Variants in SH3RF3 observed in about 807,000 individuals in gnomAD.
The protein encoded by SH3RF3 is E3 ubiquitin-protein ligase SH3RF3.
SH3RF3 carries 29 observed loss-of-function variants against 66.3 expected under a neutral mutation model. That is an observed-to-expected ratio of 0.44 (90% CI 0.33 to 0.60). SH3RF3 has a LOEUF of 0.60. SH3RF3 is among the 20% of genes least tolerant of loss of function. The pLI is 0.04. For missense variants in SH3RF3, 1,194 were observed against 1,190.9 expected (o/e 1.00, Z -0.04); for synonymous variants, 583 against 532.0 (o/e 1.10, Z -1.32).
At chr2:109,424,075 C>T (rs555867939) in intron 5 of SH3RF3, among the ~76,000 whole-genome samples, 68 of 152,274 alleles carry the variant, frequency 4.5e-4, no homozygotes, top group South Asian at 8.3e-4. Context: ...CCACCGGTAC[C>T]GGCATTGTCT....
At chr2:109,284,438 GGC>G (rs1422129092) in intron 1 of SH3RF3, among the ~76,000 whole-genome samples, 2 of 152,178 alleles carry the variant, frequency 1.3e-5, no homozygotes. Flanking sequence ...GCTGGTCTAG[GGC>G]GTGTGGACTG....
At chr2:109,217,145 G>A (rs747213006) in intron 1 of SH3RF3, among the ~76,000 whole-genome samples, 14 of 152,146 alleles carry the variant, frequency 9.2e-5, no homozygotes, top group Non-Finnish European at 1.6e-4. Context: ...TCCATCGTAC[G>A]GTCATCCACA....
chr2:109,501,429 G>A, intron 9 of SH3RF3, 74 bp from the exon 10 acceptor site: 1 of 669,672 alleles, frequency 1.5e-6, no homozygotes, highest in Non-Finnish European at 2.8e-6. Context: ...TTTACACCGA[G>A]GGAAGAAGAG....
chr2:109,270,838 C>T (rs1478649139), intron 1 of SH3RF3, among the ~76,000 whole-genome samples: 2 of 152,172 alleles, frequency 1.3e-5, no homozygotes, highest in African/African-American at 4.8e-5. Context: ...AGTGACAGAG[C>T]GTTGGTAGGA....
chr2:109,378,381 A>T (rs1683438753), intron 3 of SH3RF3, among the ~76,000 whole-genome samples: 1 of 151,528 alleles, frequency 6.6e-6, no homozygotes, highest in East Asian at 1.9e-4. Flanking sequence ...CTAGTTCTCA[A>T]CTCCCAGTTG....
Position 109,487,869 on chromosome 2 carries a change from G to A in SH3RF3, c.2149-2736G>A, listed in dbSNP as rs141107651. Among the ~76,000 whole-genome samples the A allele has an allele frequency of 4.8e-3, 732 of 152,348 alleles. 9 individuals are homozygous for A. The highest frequency in any genetic ancestry group is 0.02 in the Middle Eastern group (6 of 294). On this transcript the variant is annotated intron_variant, in intron 8 of 9. Transcript: ENST00000309415. ...GAATGCCTGTTGTGTTCTCAGCACC[G>A]TGCTAGGCGCTGGTGGGGATACTGC...
intron 1 of SH3RF3, among the ~76,000 whole-genome samples, chr2:109,210,535 C>T (rs1248627167): frequency 6.6e-6 from 1 of 152,166 alleles, no homozygotes; most frequent in Non-Finnish European, 1.5e-5. Flanking sequence ...TGAGATGGGA[C>T]ATCTGGGGCT....
Position 109,129,635 on chromosome 2 carries a change from G to A in SH3RF3, c.95G>A (p.Arg32Gln). 6.7e-7 allele frequency: 1 copy of A among 1,494,898 alleles called. No individual in the cohort carries two copies. Among genetic ancestry groups the A allele is most frequent in the East Asian group, 2.7e-5 (1 of 36,510 alleles). 92.6% of individuals were successfully genotyped at this position (1,494,898 alleles called of 1,614,324 possible). A position where few individuals can be genotyped will look rare whatever the true frequency, so the allele number is the denominator to read the frequency against. The change falls in exon 1 of 10, where the codon CGG becomes CAG. Residue 32 changes from arginine to glutamine, a missense_variant. Transcript: ENST00000309415. ...GAGGACAGGCCAGGCGAGCGACGGC[G>A]GCGTCGGGCGGCGGCCACCGCCGCG... ...GDEDRPGERRRRRAAATAAGA... is the reference protein window; with the variant it reads ...GDEDRPGERRQRRAAATAAGA...
chr2:109,422,459 T>C (rs890723642), intron 5 of SH3RF3, among the ~76,000 whole-genome samples: 4 of 152,186 alleles, frequency 2.6e-5, no homozygotes, highest in Non-Finnish European at 2.9e-5. Flanking sequence ...TCTTCCAGCA[T>C]GTGAAAGGCT....
At chr2:109,467,081 A>G (rs1345274971) in intron 8 of SH3RF3, among the ~76,000 whole-genome samples, 1 of 152,250 alleles carries the variant, frequency 6.6e-6, no homozygotes, top group African/African-American at 2.4e-5. Flanking sequence ...TACTTGGGAA[A>G]ATGGTTCAGC....
At chr2:109,472,076 C>T (rs1272817007) in intron 8 of SH3RF3, among the ~76,000 whole-genome samples, 1 of 152,198 alleles carries the variant, frequency 6.6e-6, no homozygotes, top group Non-Finnish European at 1.5e-5. Context: ...TTTCAAATTC[C>T]CATCCTTTTC....
At chr2:109,161,797 G>A (rs1258616394) in intron 1 of SH3RF3, among the ~76,000 whole-genome samples, 1 of 151,888 alleles carries the variant, frequency 6.6e-6, no homozygotes, top group Non-Finnish European at 1.5e-5. Flanking sequence ...CCCAGGGAGG[G>A]CATTAATCTA....
At chr2:109,253,199 TGTATTTTTA>T (rs1680136339) in intron 1 of SH3RF3, among the ~76,000 whole-genome samples, 1 of 152,236 alleles carries the variant, frequency 6.6e-6, no homozygotes, top group Middle Eastern at 3.4e-3. Context: ...GGCTAGTTTT[TGTATTTTTA>T]GTAGAGATGG....
chr2:109,133,799 ATGAGTACAACT>A (rs1210499366), intron 1 of SH3RF3, among the ~76,000 whole-genome samples: 4 of 146,620 alleles, frequency 2.7e-5, no homozygotes, highest in African/African-American at 1.0e-4. Flanking sequence ...ATTTAGCATT[ATGAGTACAACT>A]TGCATTAGCA....
At chr2:109,444,981 A>C (rs1292428344) in intron 7 of SH3RF3, among the ~76,000 whole-genome samples, 1 of 152,228 alleles carries the variant, frequency 6.6e-6, no homozygotes, top group Admixed American at 6.5e-5. Context: ...GATGGCTATG[A>C]ATCAGAAACA....
intron 8 of SH3RF3, among the ~76,000 whole-genome samples, chr2:109,455,920 G>A (rs1254426360): frequency 6.6e-6 from 1 of 152,214 alleles, no homozygotes; most frequent in Admixed American, 6.5e-5. Context: ...TGGCATGAGA[G>A]GTAGAAGGGG....
chr2:109,479,509 G>A (rs898757079), intron 8 of SH3RF3, among the ~76,000 whole-genome samples: 4 of 152,090 alleles, frequency 2.6e-5, no homozygotes, highest in Non-Finnish European at 4.4e-5. Flanking sequence ...AAGTTCCACC[G>A]TATCTGTTCT....
At chr2:109,373,681 A>C (rs1683322959) in intron 3 of SH3RF3, among the ~76,000 whole-genome samples, 1 of 152,196 alleles carries the variant, frequency 6.6e-6, no homozygotes, top group Non-Finnish European at 1.5e-5. Context: ...TCTGGGCTGC[A>C]GAAAGGTTTC....
intron 1 of SH3RF3, among the ~76,000 whole-genome samples, chr2:109,227,520 GGGCTCCCGGGTCT>G: frequency 6.6e-6 from 1 of 152,192 alleles, no homozygotes; most frequent in African/African-American, 2.4e-5. Context: ...TGCTTTGTGT[GGGCTCCCGGGTCT>G]GCCTGGGCCC....
Sources: gnomAD v4.1 joint callset for allele counts (sites outside exome capture counted in the v4.1 genomes callset) on GRCh38, gnomAD v4.1.1 for gene constraint, MANE v1.5 for transcripts, NCBI Gene and HGNC (gene_info 2026-07-23, HGNC 2026-07-21) for gene names.